The following CRBN variants were observed in gnomAD, a reference collection of about 807,000 sequenced individuals.
CRBN encodes protein cereblon.
A neutral mutation model predicts 62.2 loss-of-function variants in CRBN; 53 were observed. The ratio of observed to expected loss-of-function variants is 0.85; its 90% confidence interval spans 0.68 to 1.07. The LOEUF (loss-of-function observed/expected upper bound fraction) is 1.07, where lower values mean the gene tolerates loss of function less well. Ranked by LOEUF, CRBN falls within the 50% of genes least tolerant of loss-of-function variation. CRBN has a pLI of 0.00. For missense variants in CRBN, 616 were observed against 531.1 expected (o/e 1.16, Z -1.57); for synonymous variants, 208 against 176.1 (o/e 1.18, Z -1.43).
chr3:3,179,712 G>T (rs1575106279), upstream of CRBN: 2 of 1,608,404 alleles, frequency 1.2e-6, no homozygotes, highest in East Asian at 4.5e-5. Context: ...AAAGGAGGCT[G>T]GGACAGGGCG....
At chr3:3,169,723 T>C (rs935028134) in intron 4 of CRBN, among the ~76,000 whole-genome samples, 1 of 152,180 alleles carries the variant, frequency 6.6e-6, no homozygotes, top group Non-Finnish European at 1.5e-5. Context: ...ATGTGTAACA[T>C]TTTGTGATTT....
intron 2 of CRBN, among the ~76,000 whole-genome samples, chr3:3,174,530 A>C (rs1184045927): frequency 6.6e-6 from 1 of 152,094 alleles, no homozygotes; most frequent in Non-Finnish European, 1.5e-5. Flanking sequence ...AATCCCAGCT[A>C]ATCGGGAGGC....
intron 5 of CRBN, among the ~76,000 whole-genome samples, chr3:3,158,283 T>A (rs1408438205): frequency 6.6e-6 from 1 of 152,164 alleles, no homozygotes; most frequent in Non-Finnish European, 1.5e-5. Context: ...TGATAAGAGG[T>A]GGCGCTCAGC....
rs1235899262 is a variant in CRBN at position 3,150,023 on chromosome 3, C to CTT, written c.*840_*841dup. 2 of 152,052 alleles carry CTT rather than the reference C, an allele frequency of 1.3e-5. No homozygotes were observed. Among genetic ancestry groups the CTT allele is most frequent in the African/African-American group, 4.8e-5 (2 of 41,388 alleles). The allele number at this position is 152,052 out of a possible 1,614,324, so 9.4% of individuals were successfully genotyped here. On this transcript the variant is annotated 3_prime_UTR_variant, in exon 11 of 11. Transcript: ENST00000231948. The stretch of plus-strand genomic sequence containing the variant: ...AACAAAGAACATGTTTAGTTTCACA[C>CTT]TTAAGGTTTACTTACTTACAGATTT...
chr3:3,174,882 G>T (rs961538437), intron 2 of CRBN, among the ~76,000 whole-genome samples: 1 of 152,140 alleles, frequency 6.6e-6, no homozygotes, highest in Non-Finnish European at 1.5e-5. Context: ...ATGTTAGTAT[G>T]TTCAATAACA....
Position 3,172,912 on chromosome 3 carries a change from T to C in CRBN, c.391A>G (p.Arg131Gly). 1 of 1,613,854 alleles carries C rather than the reference T, an allele frequency of 6.2e-7. No individual in the cohort carries two copies. The highest frequency in any genetic ancestry group is 8.5e-7 in the Non-Finnish European group (1 of 1,179,768). The stretch of plus-strand genomic sequence containing the variant: ...GCTGTTGTTCCAAACTGTGCTTCCC[T>C]TTCCTGTACATTGCTTCCAAGAAAA... ...AVLAYSNVQE[R>G]EAQFGTTAEI... The change falls in exon 4 of 11, where the codon AGG (arginine) becomes GGG (glycine). Residue 131 changes from arginine to glycine, a missense_variant. Arg to Gly is a moderately radical substitution (Grantham distance 125, BLOSUM62 -2). Coordinates refer to ENST00000231948, the MANE Select transcript of CRBN (RefSeq NM_016302.4).
Position 3,152,447 on chromosome 3 carries a change from T to G in CRBN, c.1148+9A>C. ...AGAAAAAAAAAAGCAACCACCACCA[T>G]AATATTACCCAGGAAACCAGCTGTG... On this transcript the variant is annotated intron_variant, in intron 10 of 10. Transcript: ENST00000231948. The G allele has an allele frequency of 6.2e-7, 1 of 1,612,150 alleles. No homozygotes were observed. Among genetic ancestry groups the G allele is most frequent in the African/African-American group, 1.3e-5 (1 of 74,728 alleles).
chr3:3,173,977 C>T (rs989531413), intron 3 of CRBN, 82 bp downstream of exon 3: 1 of 1,198,858 alleles, frequency 8.3e-7, no homozygotes, highest in Non-Finnish European at 1.2e-6. Flanking sequence ...TGCGAAATAA[C>T]AGCCTGCTTT....
Position 3,152,521 on chromosome 3 carries a change from A to G in CRBN, c.1083T>C (p.Thr361=). 5 of 1,614,090 alleles carry G rather than the reference A, an allele frequency of 3.1e-6. No homozygotes were observed. The highest frequency in any genetic ancestry group is 2.2e-5 in the South Asian group (2 of 91,076). Residue 361 remains threonine (T), a synonymous_variant, in exon 10 of 11, where the codon ACT becomes ACC. Coordinates refer to ENST00000231948, the MANE Select transcript of CRBN (RefSeq NM_016302.4). ...NPHGYVHETL[T]VYKACNLNLI... The stretch of plus-strand genomic sequence containing the variant: ...GATTCAAGTTGCAAGCCTTATACAC[A>G]GTAAGTGTCTCATGCACATATCCAT...
At chr3:3,156,407 T>C in intron 5 of CRBN, 126 bp from the exon 6 acceptor site, 2 of 780,662 alleles carry the variant, frequency 2.6e-6, no homozygotes, top group Admixed American at 2.4e-5. Context: ...ATAAAAAATT[T>C]TGTAGATAAT....
chr3:3,165,180 T>C (rs1045938136), intron 5 of CRBN, among the ~76,000 whole-genome samples: 3 of 152,192 alleles, frequency 2.0e-5, no homozygotes, highest in African/African-American at 7.2e-5. Flanking sequence ...AGTTGCTTCT[T>C]ATGGATGAGC....
chr3:3,167,528 A>G (rs1164895126), intron 5 of CRBN, 106 bp downstream of exon 5: 1 of 1,094,564 alleles, frequency 9.1e-7, no homozygotes, highest in Non-Finnish European at 1.4e-6. Context: ...ATTGCCATAC[A>G]AGGTGGCTGG....
At chr3:3,157,312 A>T (rs1158748081) in intron 5 of CRBN, among the ~76,000 whole-genome samples, 1 of 152,214 alleles carries the variant, frequency 6.6e-6, no homozygotes, top group Non-Finnish European at 1.5e-5. Context: ...GAATATAAAG[A>T]ATTATCACAT....
intron 5 of CRBN, among the ~76,000 whole-genome samples, chr3:3,165,187 G>A (rs1371116883): frequency 1.3e-5 from 2 of 152,176 alleles, no homozygotes; most frequent in African/African-American, 2.4e-5. Flanking sequence ...TCTTATGGAT[G>A]AGCAAATAAA....
intron 5 of CRBN, among the ~76,000 whole-genome samples, chr3:3,159,527 G>T (rs893473230): frequency 6.6e-6 from 1 of 152,168 alleles, no homozygotes; most frequent in Non-Finnish European, 1.5e-5. Context: ...AGTATAAAGA[G>T]AATAAAATGT....
Position 3,174,258 on chromosome 3 carries a change from G to C in CRBN, c.178C>G (p.Leu60Val), listed in dbSNP as rs760002909. 6.2e-7 allele frequency: 1 copy of C among 1,610,926 alleles called. No individual in the cohort carries two copies. The highest frequency in any genetic ancestry group is 8.5e-7 in the Non-Finnish European group (1 of 1,177,204). The change falls in exon 3 of 11, where the codon CTA becomes GTA. Residue 60 changes from leucine to valine, a missense_variant. Coordinates refer to ENST00000231948, the MANE Select transcript of CRBN (RefSeq NM_016302.4). ...DTSLPTSHTY[L>V]GADMEEFHGR... The stretch of plus-strand genomic sequence containing the variant: ...TGAAATTCTTCCATATCAGCACCTA[G>C]GTACTATATAAAAACATATATAGGT...
intron 1 of CRBN, among the ~76,000 whole-genome samples, chr3:3,177,338 A>T (rs1344431598): frequency 1.3e-5 from 2 of 152,244 alleles, no homozygotes; most frequent in African/African-American, 2.4e-5. Context: ...AGAAAATAAA[A>T]ATGATTTTCA....
At position 3,154,529 on chromosome 3, in the gene CRBN, T is replaced by G. The variant is rs1337987992; in HGVS notation, c.835+218A>C. 13 of 548,936 alleles carry G rather than the reference T, an allele frequency of 2.4e-5. No individual in the cohort carries two copies. The East Asian group carries it at 4.1e-4, about 17-fold the overall frequency. 34.0% of individuals were successfully genotyped at this position (548,936 alleles called of 1,614,324 possible). The stretch of plus-strand genomic sequence containing the variant: ...ATTTGAACTTTTTATGGAAAACTTG[T>G]CTAAAATTGGAGTGCTCACAGAATA... On this transcript the variant is annotated intron_variant, in intron 7 of 10. Coordinates refer to ENST00000231948, the MANE Select transcript of CRBN (RefSeq NM_016302.4).
At chr3:3,176,076 G>C (rs961265535) in intron 1 of CRBN, among the ~76,000 whole-genome samples, 1 of 152,066 alleles carries the variant, frequency 6.6e-6, no homozygotes, top group Non-Finnish European at 1.5e-5. Flanking sequence ...CAAATCACTA[G>C]GTGTAGCCTC....
Sources: allele counts gnomAD v4.1 joint callset (sites outside exome capture counted in the v4.1 genomes callset), GRCh38; gene constraint gnomAD v4.1.1; transcripts MANE v1.5; gene names NCBI Gene and HGNC (gene_info 2026-07-23, HGNC 2026-07-21).